MKNK2: variants seen among roughly 807,000 people sequenced by gnomAD.
MKNK2 encodes the protein MAP kinase-interacting serine/threonine-protein kinase 2.
A neutral mutation model predicts 55.0 loss-of-function variants in MKNK2; 54 were observed. The observed-to-expected ratio is 0.98, with a 90% CI of 0.79 to 1.23. The LOEUF (loss-of-function observed/expected upper bound fraction) is 1.23, where lower values mean the gene tolerates loss of function less well. MKNK2 is among the 50% of genes most tolerant of loss of function. MKNK2 has a pLI of 0.00. For missense variants in MKNK2, 685 were observed against 632.1 expected, an observed-to-expected ratio of 1.08 and a Z score of -0.90; for synonymous variants, 323 against 256.0, an observed-to-expected ratio of 1.26 and a Z score of -2.50.
Position 2,041,848 on chromosome 19 carries a change from C to G in MKNK2, c.937G>C (p.Ala313Pro). ...CGWDRGEACP[A>P]CQNMLFESIQ... ...TGCGCGGGCCGCCGCACCTGGCAGG[C>G]AGGGCAGGCCTCGCCGCGGTCCCAG... The change falls in exon 11 of 14, where the codon GCC becomes CCC. Residue 313 changes from alanine (A) to proline (P), a missense_variant. Coordinates refer to ENST00000250896, the MANE Select transcript of MKNK2 (RefSeq NM_199054.3). 6.6e-7 allele frequency: 1 copy of G among 1,525,762 alleles called. No individual in the cohort carries two copies. The highest frequency in any genetic ancestry group is 8.8e-7 in the Non-Finnish European group (1 of 1,136,338). 94.5% of individuals were successfully genotyped at this position (1,525,762 alleles called of 1,614,324 possible). A position where few individuals can be genotyped will look rare whatever the true frequency, so the allele number is the denominator to read the frequency against.
rs890740717 is a variant in MKNK2 at position 2,039,133 on chromosome 19, G to A, written c.*480C>T. 1 of 991,440 alleles carries A rather than the reference G, an allele frequency of 1.0e-6. No individual in the cohort carries two copies. Among genetic ancestry groups the A allele is most frequent in the Non-Finnish European group, 1.2e-6 (1 of 833,464 alleles). 61.4% of individuals were successfully genotyped at this position (991,440 alleles called of 1,614,324 possible). On this transcript the variant is annotated 3_prime_UTR_variant, in exon 14 of 14. Coordinates refer to ENST00000250896, the MANE Select transcript of MKNK2 (RefSeq NM_199054.3). The stretch of plus-strand genomic sequence containing the variant: ...GGGTGCTCTCAGGGTGAGGGATAGA[G>A]GGGAAGAGCCTGTCCCTGAAATACT...
At chr19:2,043,679 C>CACCACACACGGCTGGAA (rs2016940716) in intron 5 of MKNK2, 97 bp from the exon 6 acceptor site, 2 of 1,089,938 alleles carry the variant, frequency 1.8e-6, no homozygotes, top group African/African-American at 3.1e-5. Flanking sequence ...ATTCACCACA[C>CACCACACACGGCTGGAA]TTAACGCCCT....
At chr19:2,042,543 C>T (rs904809616) in intron 9 of MKNK2, 21 bp from the exon 10 acceptor site, 10 of 1,585,286 alleles carry the variant, frequency 6.3e-6, no homozygotes, top group Non-Finnish European at 8.6e-6. Context: ...CCAAAAGGTC[C>T]GTGAGCCTGG....
rs1457974450 is a variant in MKNK2 at position 2,038,312 on chromosome 19, C to T, written c.*1301G>A. Reference sequence around the variant, plus strand: ...AGAATCCCGACCGCGGATTTAGAAGCCAGAGGGGCTGCCCCAGCTGTGGAG... The same window carrying T: ...AGAATCCCGACCGCGGATTTAGAAGTCAGAGGGGCTGCCCCAGCTGTGGAG... On this transcript the variant is annotated 3_prime_UTR_variant, in exon 14 of 14. Transcript: ENST00000250896. 6.1e-6 allele frequency: 6 copies of T among 986,660 alleles called. 1 individual carries two copies. The highest frequency in any genetic ancestry group is 5.2e-4 in the Middle Eastern group (1 of 1,914). The allele number at this position is 986,660 out of a possible 1,614,324, so 61.1% of individuals were successfully genotyped here. A position where few individuals can be genotyped will look rare whatever the true frequency, so the allele number is the denominator to read the frequency against.
intron 12 of MKNK2, chr19:2,040,481 C>T (rs1490379763): frequency 9.5e-6 from 4 of 422,240 alleles, no homozygotes; most frequent in African/African-American, 8.2e-5. Context: ...AGCCCAAACC[C>T]ACCTCCGCCC....
At chr19:2,040,356 G>T (rs539139359) in intron 12 of MKNK2, 179 bp from the exon 13 acceptor site, 12 of 574,864 alleles carry the variant, frequency 2.1e-5, no homozygotes, top group African/African-American at 1.5e-4. Context: ...CTATGGTGAG[G>T]CTCCATGTCC....
At chr19:2,048,604 G>A (rs2017048662) in intron 2 of MKNK2, among the ~76,000 whole-genome samples, 1 of 152,194 alleles carries the variant, frequency 6.6e-6, no homozygotes, top group Non-Finnish European at 1.5e-5. Flanking sequence ...CCTGAGTGGG[G>A]CTCTAACAAG....
chr19:2,043,116 C>G lies in MKNK2; in HGVS notation c.493+8G>C. 2 of 1,611,804 alleles carry G rather than the reference C, an allele frequency of 1.2e-6. No individual in the cohort carries two copies. The highest frequency in any genetic ancestry group is 1.7e-6 in the Non-Finnish European group (2 of 1,177,970). ...CCTCCCTCCTCACAGCCTGGAGCCC[C>G]CAGGTACCTCCCCGCATCTTCTCAA... On this transcript the variant is annotated splice_region_variant and intron_variant, in intron 7 of 13. Coordinates refer to ENST00000250896, the MANE Select transcript of MKNK2 (RefSeq NM_199054.3).
rs945805931 is a variant in MKNK2 at position 2,051,240 on chromosome 19, A to C, written c.-241T>G. ...TACCTGGGCCACCGCCGCTGAGAGG[A>C]GCCGGGCGCGTCGCCGCCGCCGCCA... is the stretch of plus-strand genomic sequence containing the variant. On this transcript the variant is annotated 5_prime_UTR_variant, in exon 1 of 14. Transcript: ENST00000250896. The C allele has an allele frequency of 7.0e-6, 1 of 142,418 alleles. No homozygotes were observed. The highest frequency in any genetic ancestry group is 1.5e-5 in the Non-Finnish European group (1 of 67,358). 8.8% of individuals were successfully genotyped at this position (142,418 alleles called of 1,614,324 possible).
chr19:2,046,547 A>G (rs1255986555), intron 3 of MKNK2, 57 bp downstream of exon 3: 2 of 1,555,286 alleles, frequency 1.3e-6, no homozygotes, highest in South Asian at 1.2e-5. Flanking sequence ...GGGGCTGGCC[A>G]CTGCCATGGC....
chr19:2,040,835 C>T, intron 12 of MKNK2: 1 of 592,364 alleles, frequency 1.7e-6, no homozygotes, highest in Non-Finnish European at 3.0e-6. Context: ...CTCCTGGGAG[C>T]CGCCTGGCTG....
chr19:2,040,787 G>T, intron 12 of MKNK2: 1 of 537,280 alleles, frequency 1.9e-6, no homozygotes, highest in Non-Finnish European at 3.3e-6. Flanking sequence ...CAGGCTGTGG[G>T]TCCCCACCAC....
Position 2,042,455 on chromosome 19 carries a change from G to C in MKNK2, c.722C>G (p.Pro241Arg). The C allele has an allele frequency of 6.3e-7, 1 of 1,589,952 alleles. No homozygotes were observed. Among genetic ancestry groups the C allele is most frequent in the Non-Finnish European group, 8.5e-7 (1 of 1,169,876 alleles). Reference protein sequence around the residue: ...SGIKLNGDCSPISTPELLTPC... With the variant: ...SGIKLNGDCSRISTPELLTPC... ...AGTGAGCAGCTCCGGGGTGGAGATA[G>C]GGGAGCAGTCCCCGTTGAGTTTGAT... The change falls in exon 10 of 14, where the codon CCT (proline) becomes CGT (arginine). Residue 241 changes from proline (P) to arginine (R), a missense_variant. Pro to Arg is a moderately radical substitution (Grantham distance 103, BLOSUM62 -2). Coordinates refer to ENST00000250896, the MANE Select transcript of MKNK2 (RefSeq NM_199054.3).
chr19:2,049,786 CA>C (rs2145696809), intron 2 of MKNK2, among the ~76,000 whole-genome samples: 1 of 152,262 alleles, frequency 6.6e-6, no homozygotes, highest in South Asian at 2.1e-4. Flanking sequence ...GAAAACTGGG[CA>C]GGGGTGGCAG....
In MKNK2 at chr19:2,044,092, G is replaced by A. The variant is rs2016950670; in HGVS notation, c.340-510C>T. Among the ~76,000 whole-genome samples, 3 of 151,288 alleles carry A rather than the reference G, an allele frequency of 2.0e-5. No homozygotes were observed. In the South Asian group the frequency reaches 6.3e-4, roughly 32 times the overall value. On this transcript the variant is annotated intron_variant, in intron 5 of 13. Coordinates refer to ENST00000250896, the MANE Select transcript of MKNK2 (RefSeq NM_199054.3). ...TGACTTCTGCAAAATACCCCCACAG[G>A]ACGTGAGGGTTCCCTGCCCTGGGCG...
At chr19:2,050,489 C>A (rs558672972) in intron 2 of MKNK2, among the ~76,000 whole-genome samples, 2 of 152,354 alleles carry the variant, frequency 1.3e-5, no homozygotes, top group Non-Finnish European at 2.9e-5. Context: ...CAGAACATAC[C>A]CGGCGGGGGC....
rs2017104442 is a variant in MKNK2, at chr19:2,050,912, C to CGGGCGGCCGGGCGGG, written c.-76_-62dup. 7.8e-7 allele frequency: 1 copy of CGGGCGGCCGGGCGGG among 1,274,572 alleles called. No homozygotes were observed. The highest frequency in any genetic ancestry group is 1.1e-6 in the Non-Finnish European group (1 of 942,282). 79.0% of individuals were successfully genotyped at this position (1,274,572 alleles called of 1,614,324 possible). A position where few individuals can be genotyped will look rare whatever the true frequency, so the allele number is the denominator to read the frequency against. On this transcript the variant is annotated 5_prime_UTR_variant, in exon 2 of 14. Coordinates refer to ENST00000250896, the MANE Select transcript of MKNK2 (RefSeq NM_199054.3). Reference sequence around the variant, plus strand: ...GAGGGCCCGGGGGGAGGCCCGAGGGCGGGCGGCCGGGCGGGGGGCGGCCGA... The same window carrying CGGGCGGCCGGGCGGG: ...GAGGGCCCGGGGGGAGGCCCGAGGGCGGGCGGCCGGGCGGGGGGCGGCCGGGCGGGGGGCGGCCGA...
At chr19:2,040,758 G>T in intron 12 of MKNK2, 3 of 484,120 alleles carry the variant, frequency 6.2e-6, no homozygotes, top group Non-Finnish European at 7.5e-6. Context: ...CTCGCTGCCC[G>T]CTTCGCTCCA....
In MKNK2 at chr19:2,038,377, C is replaced by G. The variant is rs992478462; in HGVS notation, c.*1236G>C. The G allele has an allele frequency of 1.0e-6, 1 of 986,180 alleles. No homozygotes were observed. The highest frequency in any genetic ancestry group is 1.2e-6 in the Non-Finnish European group (1 of 830,330). 61.1% of individuals were successfully genotyped at this position (986,180 alleles called of 1,614,324 possible). ...CGGGAAGGGCGGGCGGTGACCCTAGCCGCGCGCACTTCTAAAGTGGAACCC... is the reference window on the plus strand; with the variant it reads ...CGGGAAGGGCGGGCGGTGACCCTAGGCGCGCGCACTTCTAAAGTGGAACCC... On this transcript the variant is annotated 3_prime_UTR_variant, in exon 14 of 14. Coordinates refer to ENST00000250896, the MANE Select transcript of MKNK2 (RefSeq NM_199054.3).
Sources: gnomAD v4.1 joint callset for allele counts (sites outside exome capture counted in the v4.1 genomes callset) on GRCh38, gnomAD v4.1.1 for gene constraint, MANE v1.5 for transcripts, NCBI Gene and HGNC (gene_info 2026-07-23, HGNC 2026-07-21) for gene names.